The following SCLT1 variants were observed in gnomAD, a reference collection of about 807,000 sequenced individuals.
The protein encoded by SCLT1 is sodium channel-associated protein 1.
A neutral mutation model predicts 112.8 loss-of-function variants in SCLT1; 78 were observed. The ratio of observed to expected loss-of-function variants is 0.69; its 90% CI spans 0.58 to 0.83. SCLT1 has a LOEUF of 0.83. Ranked by LOEUF, SCLT1 falls within the 40% of genes least tolerant of loss-of-function variation. SCLT1 has a pLI of 0.00. For synonymous variants in SCLT1, 257 were observed against 254.7 expected (o/e 1.01, Z -0.09); for missense variants, 747 against 770.4 (o/e 0.97, Z 0.36).
intron 5 of SCLT1, chr4:128,873,955 T>C (rs1732388460): frequency 6.6e-6 from 1 of 152,666 alleles, no homozygotes; most frequent in South Asian, 2.1e-4. Context: ...ATGTACGACA[T>C]TTTCAAACCA....
At chr4:129,017,859 G>C (rs1220320267) in intron 5 of SCLT1, among the ~76,000 whole-genome samples, 1 of 152,138 alleles carries the variant, frequency 6.6e-6, no homozygotes, top group African/African-American at 2.4e-5. Context: ...CTATCAATTA[G>C]CTGATCTCTA....
chr4:128,935,832 C>G (rs928201901), intron 18 of SCLT1, among the ~76,000 whole-genome samples: 1 of 152,064 alleles, frequency 6.6e-6, no homozygotes, highest in Non-Finnish European at 1.5e-5. Flanking sequence ...TCAACATGTT[C>G]TCATTCCATG....
intron 18 of SCLT1, among the ~76,000 whole-genome samples, chr4:128,901,907 A>C (rs1485738219): frequency 1.3e-5 from 2 of 152,030 alleles, no homozygotes; most frequent in African/African-American, 4.8e-5. Context: ...TCTAAGTGGA[A>C]TAGGAACTTT....
At chr4:128,975,024 C>A in intron 9 of SCLT1, among the ~76,000 whole-genome samples, 1 of 120,890 alleles carries the variant, frequency 8.3e-6, no homozygotes, top group African/African-American at 3.1e-5. Context: ...TGATATTAAA[C>A]AGATTTGAAT....
intron 9 of SCLT1, among the ~76,000 whole-genome samples, chr4:128,988,605 C>A (rs1742302902): frequency 6.6e-6 from 1 of 151,656 alleles, no homozygotes; most frequent in South Asian, 2.1e-4. Context: ...AAAAAAGTAA[C>A]AAAATGGCAG....
chr4:128,968,605 C>G (rs1191715458), intron 10 of SCLT1, among the ~76,000 whole-genome samples: 1 of 152,196 alleles, frequency 6.6e-6, no homozygotes, highest in Non-Finnish European at 1.5e-5. Context: ...GCACCTCCCC[C>G]ACAAGTATAG....
chr4:129,092,873 C>T (rs1348578841), intron 1 of SCLT1, among the ~76,000 whole-genome samples, 197 bp downstream of exon 1: 2 of 152,184 alleles, frequency 1.3e-5, no homozygotes, highest in African/African-American at 4.8e-5. Flanking sequence ...GTGTAAGCTA[C>T]AAGTACTACC....
intron 18 of SCLT1, among the ~76,000 whole-genome samples, chr4:128,917,170 G>A (rs762764795): frequency 2.0e-5 from 3 of 151,912 alleles, no homozygotes; most frequent in Non-Finnish European, 4.4e-5. Context: ...CTTCTACCTC[G>A]TGACTGACCC....
intron 5 of SCLT1, among the ~76,000 whole-genome samples, chr4:129,028,678 G>T (rs1019462130): frequency 6.6e-6 from 1 of 152,056 alleles, no homozygotes; most frequent in Non-Finnish European, 1.5e-5. Flanking sequence ...TTGACAAATG[G>T]CATCTAATTA....
At chr4:128,887,744 C>A (rs1732994170) in intron 20 of SCLT1, among the ~76,000 whole-genome samples, 1 of 152,098 alleles carries the variant, frequency 6.6e-6, no homozygotes, top group Admixed American at 6.6e-5. Context: ...CTTAGTATTT[C>A]ATTGTTATTC....
At chr4:128,879,934 T>C (rs1461472630), downstream of SCLT1, among the ~76,000 whole-genome samples, 1 of 152,180 alleles carries the variant, frequency 6.6e-6, no homozygotes, top group Non-Finnish European at 1.5e-5. Context: ...TGTGCTGCCA[T>C]AGAATGAAAA....
chr4:128,876,521 C>T (rs1257101866), exon 4 of SCLT1: 1 of 152,196 alleles, frequency 6.6e-6, no homozygotes, highest in Admixed American at 6.5e-5. Flanking sequence ...GAAGCATTAG[C>T]CATCTGCAAC....
intron 2 of SCLT1, among the ~76,000 whole-genome samples, chr4:129,072,905 T>A (rs189644493): frequency 9.9e-5 from 15 of 152,206 alleles, no homozygotes; most frequent in Admixed American, 3.9e-4. Context: ...AGGGTTGGTG[T>A]TCTGGTTCCT....
chr4:128,914,174 G>C (rs1158790598), intron 18 of SCLT1, among the ~76,000 whole-genome samples: 1 of 152,084 alleles, frequency 6.6e-6, no homozygotes, highest in African/African-American at 2.4e-5. Flanking sequence ...GACCATCCTG[G>C]CTAACACGGT....
intron 2 of SCLT1, 93 bp downstream of exon 2, chr4:129,082,213 C>T (rs1752001771): frequency 1.9e-6 from 1 of 522,018 alleles, no homozygotes; most frequent in Non-Finnish European, 3.4e-6. Flanking sequence ...CAAGCTTTCC[C>T]ATTACAGGAA....
At chr4:129,055,834 A>AACAAAC (rs761474203) in intron 2 of SCLT1, among the ~76,000 whole-genome samples, 3 of 126,538 alleles carry the variant, frequency 2.4e-5, no homozygotes, top group Non-Finnish European at 3.6e-5. Flanking sequence ...AAAAAAAACA[A>AACAAAC]AAACAAACAA....
intron 8 of SCLT1, among the ~76,000 whole-genome samples, chr4:128,995,694 C>G (rs1261901560): frequency 6.6e-6 from 1 of 151,958 alleles, no homozygotes; most frequent in Non-Finnish European, 1.5e-5. Context: ...CTGTGATGAG[C>G]TGGGGGGTAG....
At chr4:129,040,333 C>T in intron 4 of SCLT1, 2 of 620,630 alleles carry the variant, frequency 3.2e-6, no homozygotes, top group Admixed American at 2.2e-5. Flanking sequence ...TTAAGAATGC[C>T]ATGGCAAGAG....
chr4:129,022,303 T>C (rs1377992412), intron 5 of SCLT1, among the ~76,000 whole-genome samples: 1 of 152,070 alleles, frequency 6.6e-6, no homozygotes, highest in Non-Finnish European at 1.5e-5. Context: ...GGTTAAAGAA[T>C]TGACAGAAGT....
Sources: allele counts gnomAD v4.1 joint callset (sites outside exome capture counted in the v4.1 genomes callset), GRCh38; gene constraint gnomAD v4.1.1; transcripts MANE v1.5; gene names NCBI Gene and HGNC (gene_info 2026-07-23, HGNC 2026-07-21).